The following SSR1 variants were observed in gnomAD, a reference collection of about 807,000 sequenced individuals.
The protein encoded by SSR1 is translocon-associated protein subunit alpha.
SSR1 carries 13 observed loss-of-function variants against 36.1 expected under a neutral mutation model. The ratio of observed to expected loss-of-function variants is 0.36; its 90% CI spans 0.23 to 0.57. The LOEUF (loss-of-function observed/expected upper bound fraction) is 0.57, where lower values mean the gene tolerates loss of function less well. Ranked by LOEUF, SSR1 falls within the 20% of genes least tolerant of loss-of-function variation. The pLI is 0.81. For missense variants in SSR1, 291 were observed against 338.5 expected (o/e 0.86, Z 1.10); for synonymous variants, 113 against 118.9 (o/e 0.95, Z 0.32).
chr6:7,296,616 A>G (rs1337738942), intron 6 of SSR1, among the ~76,000 whole-genome samples: 1 of 151,964 alleles, frequency 6.6e-6, no homozygotes, highest in Non-Finnish European at 1.5e-5. Context: ...CCACTGAGAG[A>G]AATAGTATAG....
At chr6:7,291,535 A>T (rs537295642) in intron 7 of SSR1, among the ~76,000 whole-genome samples, 1 of 152,334 alleles carries the variant, frequency 6.6e-6, no homozygotes, top group African/African-American at 2.4e-5. Flanking sequence ...TTACTAATAG[A>T]TGGTTTCAGG....
At chr6:7,305,273 T>C (rs1337886138) in intron 2 of SSR1, among the ~76,000 whole-genome samples, 1 of 152,156 alleles carries the variant, frequency 6.6e-6, no homozygotes, top group African/African-American at 2.4e-5. Context: ...TTTGGACATA[T>C]AAAATGTGAA....
At chr6:7,295,121 A>G in intron 7 of SSR1, 2 of 1,518,078 alleles carry the variant, frequency 1.3e-6, no homozygotes, top group Non-Finnish European at 1.8e-6. Context: ...ACAGAAAGAA[A>G]AGAGACAGGA....
At chr6:7,298,452 A>G in intron 5 of SSR1, 1 of 322,568 alleles carries the variant, frequency 3.1e-6, no homozygotes. Flanking sequence ...CACGAGACTT[A>G]GTTTAGGCTG....
rs983639137 is a variant in SSR1 at position 7,287,118 on chromosome 6, A to G, written c.*2746T>C. 3.9e-5 allele frequency: 6 copies of G among 152,146 alleles called. No homozygotes were observed. Among genetic ancestry groups the G allele is most frequent in the African/African-American group, 1.2e-4 (5 of 41,426 alleles). 9.4% of individuals were successfully genotyped at this position (152,146 alleles called of 1,614,324 possible). ...ATTTTCCTTCATATCAAGGGTATGGATATCATTGTACAAGATGAATGCTAT... is the reference window on the plus strand; with the variant it reads ...ATTTTCCTTCATATCAAGGGTATGGGTATCATTGTACAAGATGAATGCTAT... On this transcript the variant is annotated 3_prime_UTR_variant, in exon 8 of 8. Transcript: ENST00000244763.
chr6:7,306,833 G>A (rs540157519), intron 2 of SSR1, among the ~76,000 whole-genome samples: 6 of 150,004 alleles, frequency 4.0e-5, no homozygotes, highest in South Asian at 2.1e-4. Flanking sequence ...GGAGACTGGC[G>A]TGAACCCGGG....
rs1017359984 is a variant in SSR1 at position 7,285,704 on chromosome 6, A to T, written c.*4160T>A. 3.9e-5 allele frequency: 6 copies of T among 152,286 alleles called. No homozygotes were observed. Among genetic ancestry groups the T allele is most frequent in the Non-Finnish European group, 4.4e-5 (3 of 68,176 alleles). The allele number at this position is 152,286 out of a possible 1,614,324, so 9.4% of individuals were successfully genotyped here. ...AAAAAAAAAAAGAAAAAGAAAAAGA[A>T]AAAAGATAAAAGCAGCTTTACCCTG... On this transcript the variant is annotated 3_prime_UTR_variant, in exon 8 of 8. Coordinates refer to ENST00000244763, the MANE Select transcript of SSR1 (RefSeq NM_003144.5). This position sits in a 1 kb window ranked among gnomAD's most constrained non-coding sequence, Gnocchi z 4.1.
At chr6:7,296,185 C>T (rs1757790926) in intron 6 of SSR1, among the ~76,000 whole-genome samples, 1 of 152,052 alleles carries the variant, frequency 6.6e-6, no homozygotes. Flanking sequence ...GTAAAAATGA[C>T]TCATTTAGCC....
In SSR1 at chr6:7,287,355, C is replaced by G. The variant is rs1424684659; in HGVS notation, c.*2509G>C. ...ATTTGCCCTTTCCTCTTATCAAAAT[C>G]ACATTTTCTGAAGGTACTTGAAGTT... On this transcript the variant is annotated 3_prime_UTR_variant, in exon 8 of 8. Coordinates refer to ENST00000244763, the MANE Select transcript of SSR1 (RefSeq NM_003144.5). The G allele has an allele frequency of 1.3e-5, 2 of 152,122 alleles. No homozygotes were observed. Among genetic ancestry groups the G allele is most frequent in the Non-Finnish European group, 2.9e-5 (2 of 68,018 alleles). The allele number at this position is 152,122 out of a possible 1,614,324, so 9.4% of individuals were successfully genotyped here.
At chr6:7,310,642 GGCTCACGCCTGTA>G (rs1758170588) in intron 1 of SSR1, among the ~76,000 whole-genome samples, 2 of 152,206 alleles carry the variant, frequency 1.3e-5, no homozygotes. Flanking sequence ...CCGGCGCGGT[GGCTCACGCCTGTA>G]ATCCCAGCAC....
Position 7,288,021 on chromosome 6 carries a change from G to A in SSR1, c.*1843C>T, listed in dbSNP as rs1757593232. 1 of 152,204 alleles carries A rather than the reference G, an allele frequency of 6.6e-6. No homozygotes were observed. Among genetic ancestry groups the A allele is most frequent in the Non-Finnish European group, 1.5e-5 (1 of 68,018 alleles). The allele number at this position is 152,204 out of a possible 1,614,324, so 9.4% of individuals were successfully genotyped here. ...GCTGATATGTAAGGCAAGTTATTTA[G>A]GAATGAGGAGGGCTGACAGCTGTAA... On this transcript the variant is annotated 3_prime_UTR_variant, in exon 8 of 8. Transcript: ENST00000244763.
chr6:7,301,860 T>C (rs1359198505), intron 3 of SSR1, among the ~76,000 whole-genome samples: 3 of 151,092 alleles, frequency 2.0e-5, no homozygotes, highest in East Asian at 4.1e-4. Context: ...TTGCGTATTT[T>C]TGGCAGTGAA....
intron 2 of SSR1, 70 bp from the exon 3 acceptor site, chr6:7,303,707 T>G (rs1214024413): frequency 1.5e-6 from 2 of 1,310,664 alleles, no homozygotes; most frequent in African/African-American, 1.5e-5. Context: ...AAATAAAGAT[T>G]TGGCCGGGCA....
rs1395571444 is a variant in SSR1 at position 7,284,483 on chromosome 6, CT to C, written c.*5380del. ...CAAAGTCCATAAGGTACCATATACTCTTCCCCGCCCCATGCTTCATGGGATG... is the reference window on the plus strand; with the variant it reads ...CAAAGTCCATAAGGTACCATATACTCTCCCCGCCCCATGCTTCATGGGATG... On this transcript the variant is annotated 3_prime_UTR_variant, in exon 8 of 8. Transcript: ENST00000244763. The C allele has an allele frequency of 6.6e-6, 1 of 152,206 alleles. No individual in the cohort carries two copies. The highest frequency in any genetic ancestry group is 1.5e-5 in the Non-Finnish European group (1 of 68,042). The allele number at this position is 152,206 out of a possible 1,614,324, so 9.4% of individuals were successfully genotyped here.
rs746086819 is a variant in SSR1 at position 7,295,445 on chromosome 6, C to G, written c.740G>C (p.Ser247Thr). 6.2e-6 allele frequency: 10 copies of G among 1,611,740 alleles called. No homozygotes were observed. The highest frequency in any genetic ancestry group is 8.5e-6 in the Non-Finnish European group (10 of 1,179,308). The change falls in exon 7 of 8, where the codon AGT becomes ACT. Residue 247 changes from serine to threonine, a missense_variant. Transcript: ENST00000244763. ...PIQKVEMGTS[S>T]QNDVDMSWIP... ...CCAACTCATGTCAACATCATTCTGA[C>G]TTGATGTACCCATTTCTACTTTCTG...
intron 2 of SSR1, among the ~76,000 whole-genome samples, chr6:7,307,789 G>A (rs1758102935): frequency 6.6e-6 from 1 of 152,202 alleles, no homozygotes; most frequent in Non-Finnish European, 1.5e-5. Flanking sequence ...GCCTCCCAAA[G>A]TGCTGGGATT....
In SSR1 at chr6:7,289,842, G is replaced by A. The variant is rs201556739; in HGVS notation, c.*22C>T. The A allele has an allele frequency of 1.8e-5, 28 of 1,567,264 alleles. No individual in the cohort carries two copies. The highest frequency in any genetic ancestry group is 4.8e-5 in the East Asian group (2 of 41,376). Reference sequence around the variant, plus strand: ...TATTAGGGCAGGTTAAGTAAAGACCGAATTGTTGCACAAAGGAACATTTAC... The same window carrying A: ...TATTAGGGCAGGTTAAGTAAAGACCAAATTGTTGCACAAAGGAACATTTAC... On this transcript the variant is annotated 3_prime_UTR_variant, in exon 8 of 8. Transcript: ENST00000244763.
rs774286837 is a variant in SSR1, at chr6:7,301,621, CA to C, written c.281-50del. ...AAAATTAGAACACATGGAAAGAGCA[CA>C]AAATATTTAAAAAGGCATTACTAAT... is the stretch of plus-strand genomic sequence containing the variant. On this transcript the variant is annotated intron_variant, in intron 3 of 7. Transcript: ENST00000244763. 6.5e-6 allele frequency: 10 copies of C among 1,542,548 alleles called. No homozygotes were observed. The East Asian group carries it at 2.2e-4, about 35-fold the overall frequency.
rs1334870698 is a variant in SSR1, at chr6:7,313,093, G to A, written c.28C>T (p.Leu10Phe). MRLLPRLLL[L>F]LLLVFPATVL... ...GTGGCAGGGAACACGAGTAAGAGAA[G>A]CAGCAGCAAGCGGGGGAGGAGTCTC... Residue 10 changes from leucine to phenylalanine, a missense_variant, in exon 1 of 8, where the codon CTT (leucine) becomes TTT (phenylalanine). By Grantham distance (22) the Leu-to-Phe change is conservative. Transcript: ENST00000244763. The A allele has an allele frequency of 1.9e-6, 3 of 1,608,420 alleles. No homozygotes were observed. The highest frequency in any genetic ancestry group is 2.5e-6 in the Non-Finnish European group (3 of 1,177,328).
Sources: gnomAD v4.1 joint callset for allele counts (sites outside exome capture counted in the v4.1 genomes callset) on GRCh38, gnomAD v4.1.1 for gene constraint, Gnocchi (gnomAD v3.1) non-coding constraint, MANE v1.5 for transcripts, NCBI Gene and HGNC (gene_info 2026-07-23, HGNC 2026-07-21) for gene names.